PRELID2: variants seen among roughly 807,000 people sequenced by gnomAD.
PRELID2 encodes the protein PRELI domain containing 2.
PRELID2 carries 25 observed loss-of-function variants against 28.4 expected under a neutral mutation model. The observed-to-expected ratio is 0.88, with a 90% CI of 0.64 to 1.23. PRELID2 has a LOEUF of 1.23. PRELID2 is among the 50% of genes most tolerant of loss of function. PRELID2 has a pLI of 0.00. For missense variants in PRELID2, 201 were observed against 214.4 expected (o/e 0.94, Z 0.39); for synonymous variants, 76 against 71.6 (o/e 1.06, Z -0.31).
At chr5:145,433,420 GC>G in the PRELID2 span, among the ~76,000 whole-genome samples, 1 of 152,144 alleles carries the variant, frequency 6.6e-6, no homozygotes, top group Non-Finnish European at 1.5e-5. Context: ...GGGCCAGGTG[GC>G]TTCCCGATTC....
chr5:145,313,186 T>C, the PRELID2 span, among the ~76,000 whole-genome samples: 1 of 152,142 alleles, frequency 6.6e-6, no homozygotes, highest in Non-Finnish European at 1.5e-5. Flanking sequence ...TAAATATATA[T>C]AAGGTAACAA....
chr5:145,315,232 G>A, the PRELID2 span, among the ~76,000 whole-genome samples: 1 of 151,786 alleles, frequency 6.6e-6, no homozygotes, highest in Non-Finnish European at 1.5e-5. Context: ...ACCACGCCCA[G>A]CTAATTTTTG....
rs1219630687 is a variant in PRELID2 at position 145,835,261 on chromosome 5, C to A, written c.-10G>T. 6.5e-7 allele frequency: 1 copy of A among 1,539,746 alleles called. No homozygotes were observed. The highest frequency in any genetic ancestry group is 1.2e-5 in the South Asian group (1 of 83,598). On this transcript the variant is annotated 5_prime_UTR_variant, in exon 1 of 7. Transcript: ENST00000683046. ...CCACCGAGACCCCCATCCCCGCGCGCCGCGGGCCCCGCGCACCGGCCACGC... is the reference window on the plus strand; with the variant it reads ...CCACCGAGACCCCCATCCCCGCGCGACGCGGGCCCCGCGCACCGGCCACGC...
chr5:145,341,183 A>C, the PRELID2 span, among the ~76,000 whole-genome samples: 1 of 152,122 alleles, frequency 6.6e-6, no homozygotes, highest in East Asian at 1.9e-4. Context: ...GTATAAGGAC[A>C]TAGAAAACAA....
At chr5:145,514,148 T>C (rs1020383252) in intron 1 of PRELID2, among the ~76,000 whole-genome samples, 2 of 152,080 alleles carry the variant, frequency 1.3e-5, no homozygotes, top group South Asian at 2.1e-4. Context: ...CATAACAATA[T>C]TAACCTTAAA....
chr5:145,489,839 G>A (rs899352247), intron 1 of PRELID2, among the ~76,000 whole-genome samples: 5 of 152,184 alleles, frequency 3.3e-5, no homozygotes, highest in South Asian at 2.1e-4. Context: ...GCTCTCTGTC[G>A]TTAGCTTTCT....
intron 1 of PRELID2, among the ~76,000 whole-genome samples, chr5:145,653,319 C>T (rs2149672621): frequency 6.6e-6 from 1 of 152,300 alleles, no homozygotes; most frequent in Middle Eastern, 3.4e-3. Flanking sequence ...TAACACCCCA[C>T]TGTCAATATT....
At chr5:145,230,058 C>A in the PRELID2 span, 1 of 682,010 alleles carries the variant, frequency 1.5e-6, no homozygotes, top group Admixed American at 1.8e-5. Flanking sequence ...CAGATAGACC[C>A]CTGTACCATG....
intron 1 of PRELID2, among the ~76,000 whole-genome samples, chr5:145,719,558 C>T (rs1416948646): frequency 1.3e-5 from 2 of 151,598 alleles, no homozygotes; most frequent in Non-Finnish European, 3.0e-5. Context: ...TATATTTATA[C>T]ATAATGACAG....
intron 1 of PRELID2, among the ~76,000 whole-genome samples, chr5:145,680,148 A>G (rs1456289047): frequency 6.6e-6 from 1 of 152,194 alleles, no homozygotes; most frequent in Non-Finnish European, 1.5e-5. Flanking sequence ...AATCGAGGGC[A>G]CTACCCATAG....
intron 1 of PRELID2, among the ~76,000 whole-genome samples, chr5:145,582,027 A>C (rs892488769): frequency 3.9e-5 from 6 of 151,956 alleles, no homozygotes; most frequent in African/African-American, 1.4e-4. Context: ...GACAGTCCTA[A>C]TTTTGTGTTA....
At chr5:145,748,129 T>C (rs1400180178) in intron 1 of PRELID2, among the ~76,000 whole-genome samples, 1 of 152,304 alleles carries the variant, frequency 6.6e-6, no homozygotes, top group East Asian at 1.9e-4. Context: ...ACCACTCCTA[T>C]TCAACATAGT....
At chr5:145,271,762 A>G in the PRELID2 span, among the ~76,000 whole-genome samples, 4 of 152,118 alleles carry the variant, frequency 2.6e-5, no homozygotes, top group Non-Finnish European at 4.4e-5. Context: ...AAATCCAGAA[A>G]CCTGGCATCT....
intron 1 of PRELID2, among the ~76,000 whole-genome samples, chr5:145,566,427 AC>A (rs1230345835): frequency 6.6e-6 from 1 of 152,130 alleles, no homozygotes; most frequent in African/African-American, 2.4e-5. Context: ...ATTTATATAC[AC>A]CTCTGAGAAG....
chr5:145,590,687 C>T (rs974659006), intron 1 of PRELID2, among the ~76,000 whole-genome samples: 11 of 152,140 alleles, frequency 7.2e-5, no homozygotes, highest in African/African-American at 2.7e-4. Context: ...TTCTCCTCAT[C>T]CTATTTCTTT....
At chr5:145,443,539 G>A in the PRELID2 span, among the ~76,000 whole-genome samples, 1 of 152,046 alleles carries the variant, frequency 6.6e-6, no homozygotes, top group Non-Finnish European at 1.5e-5. Context: ...AATAAAGGAA[G>A]AAACATTCTA....
intron 4 of PRELID2, among the ~76,000 whole-genome samples, chr5:145,817,436 T>TATATATATATATAA (rs1188916659): frequency 8.6e-5 from 12 of 138,910 alleles, no homozygotes; most frequent in Admixed American, 2.2e-4. Flanking sequence ...TATATATATA[T>TATATATATATATAA]ATATATATAT....
At chr5:145,724,649 T>TATATA (rs1756091420) in intron 1 of PRELID2, among the ~76,000 whole-genome samples, 1 of 62,352 alleles carries the variant, frequency 1.6e-5, no homozygotes, top group African/African-American at 3.9e-5. Context: ...ATATATATAA[T>TATATA]GCCTGTAACT....
chr5:145,456,429 C>A, the PRELID2 span, among the ~76,000 whole-genome samples: 1 of 152,128 alleles, frequency 6.6e-6, no homozygotes, highest in Non-Finnish European at 1.5e-5. Flanking sequence ...TAGCACTTAC[C>A]CAGCCATTTT....
Sources: allele counts gnomAD v4.1 joint callset (sites outside exome capture counted in the v4.1 genomes callset), GRCh38; gene constraint gnomAD v4.1.1; transcripts MANE v1.5; gene names NCBI Gene and HGNC (gene_info 2026-07-23, HGNC 2026-07-21).